STRN: variants seen among roughly 807,000 people sequenced by gnomAD.
The protein encoded by STRN is protein phosphatase 2 regulatory subunit B'''alpha.
Under a neutral mutation model 96.3 loss-of-function variants are expected in STRN, and 53 were observed. That is an observed-to-expected ratio of 0.55 (90% CI 0.44 to 0.69). The LOEUF (loss-of-function observed/expected upper bound fraction) is 0.69. Ranked by LOEUF, STRN falls within the 30% of genes least tolerant of loss-of-function variation. The probability of loss-of-function intolerance (pLI) is 0.00; values close to 1 mark genes in which losing one functional copy is unlikely to be tolerated. For synonymous variants in STRN, 428 were observed against 355.9 expected (o/e 1.20, Z -2.28); for missense variants, 987 against 963.9 (o/e 1.02, Z -0.32).
rs1251658365 is a variant in STRN at position 36,874,224 on chromosome 2, A to G, written c.1323+3667T>C. ...GCTTGCAGTCAGCTAAGATCGCGCC[A>G]CTGCACTACAGCCTGGGCGACAAAG... is the stretch of plus-strand genomic sequence containing the variant. On this transcript the variant is annotated intron_variant, in intron 10 of 17. Coordinates refer to ENST00000263918, the MANE Select transcript of STRN (RefSeq NM_003162.4). Among the ~76,000 whole-genome samples, 4 of 151,808 alleles carry G rather than the reference A, an allele frequency of 2.6e-5. No individual in the cohort carries two copies. In the East Asian group the frequency reaches 7.7e-4, roughly 29 times the overall value.
chr2:36,949,837 C>CA (rs1478813661), intron 1 of STRN, among the ~76,000 whole-genome samples: 1 of 151,688 alleles, frequency 6.6e-6, no homozygotes, highest in Non-Finnish European at 1.5e-5. Flanking sequence ...ATTTTAACTG[C>CA]AAAAAAGTAT....
chr2:36,865,253 T>C (rs887326773), intron 12 of STRN, among the ~76,000 whole-genome samples: 1 of 152,226 alleles, frequency 6.6e-6, no homozygotes, highest in African/African-American at 2.4e-5. Context: ...GTTTTCTAGT[T>C]TGTGTGCACA....
rs1668174418 is a variant in STRN, at chr2:36,849,778, T to A, written c.2109A>T (p.Val703=). The change falls in exon 17 of 18, where the codon GTA becomes GTT. Residue 703 remains valine, a synonymous_variant. Coordinates refer to ENST00000263918, the MANE Select transcript of STRN (RefSeq NM_003162.4). ...AACTTGTAACAGCTTCTAGGTGGGC[T>A]ACCATCGAGTGGATCAGTTTGCCTT... The part of the protein sequence containing the change: ...NNTGKLIHSM[V]AHLEAVTSLA... The A allele has an allele frequency of 1.2e-6, 2 of 1,614,192 alleles. No homozygotes were observed. Among genetic ancestry groups the A allele is most frequent in the Non-Finnish European group, 1.7e-6 (2 of 1,180,010 alleles).
intron 1 of STRN, among the ~76,000 whole-genome samples, chr2:36,964,278 T>G (rs765537972): frequency 4.3e-4 from 65 of 151,498 alleles, no homozygotes; most frequent in African/African-American, 1.1e-3. Context: ...TTTTGTTTTT[T>G]TTTTTTTAAC....
chr2:36,921,904 G>C (rs1414583598), intron 2 of STRN, among the ~76,000 whole-genome samples: 1 of 151,842 alleles, frequency 6.6e-6, no homozygotes, highest in African/African-American at 2.4e-5. Context: ...TTCCAGATTG[G>C]ATCCTGGACC....
chr2:36,869,542 G>GAA lies in STRN; in HGVS notation c.1499+10_1499+11dup. The GAA allele has an allele frequency of 6.6e-7, 1 of 1,507,688 alleles. No individual in the cohort carries two copies. The highest frequency in any genetic ancestry group is 8.9e-7 in the Non-Finnish European group (1 of 1,122,788). The allele number at this position is 1,507,688 out of a possible 1,614,324, so 93.4% of individuals were successfully genotyped here. ...AAAATATTCAAATAATGTTAAAGTA[G>GAA]AATATTCTCACTTTTTGGCTGGGGC... On this transcript the variant is annotated intron_variant, in intron 11 of 17. Transcript: ENST00000263918.
chr2:36,958,111 G>T (rs1275815317), intron 1 of STRN, among the ~76,000 whole-genome samples: 1 of 151,776 alleles, frequency 6.6e-6, no homozygotes, highest in South Asian at 2.1e-4. Context: ...GTAGAGACGG[G>T]GTTTCACCAT....
At chr2:36,933,549 T>G (rs1237338770) in intron 1 of STRN, among the ~76,000 whole-genome samples, 1 of 152,206 alleles carries the variant, frequency 6.6e-6, no homozygotes, top group Non-Finnish European at 1.5e-5. Context: ...AGAAGATACT[T>G]TGTTAAGGCA....
At position 36,899,567 on chromosome 2, in the gene STRN, C is replaced by T; in HGVS notation, c.751G>A (p.Asp251Asn). ...CTTTTCTCTCTTCCATCAACATCATCATCTTCATCTTCATCACTGAAATCT... is the reference window on the plus strand; with the variant it reads ...CTTTTCTCTCTTCCATCAACATCATTATCTTCATCTTCATCACTGAAATCT... Reference protein sequence around the residue: ...AADFSDEDEDDDVDGREKSVI... With the variant: ...AADFSDEDEDNDVDGREKSVI... Residue 251 changes from aspartate to asparagine, a missense_variant, in exon 6 of 18, where the codon GAT (aspartate) becomes AAT (asparagine). Asp to Asn is a conservative substitution (Grantham distance 23, BLOSUM62 1). Coordinates refer to ENST00000263918, the MANE Select transcript of STRN (RefSeq NM_003162.4). The T allele has an allele frequency of 6.2e-7, 1 of 1,613,556 alleles. No homozygotes were observed. Among genetic ancestry groups the T allele is most frequent in the South Asian group, 1.1e-5 (1 of 90,972 alleles).
At chr2:36,950,213 GTTTTTTTTTTTT>G (rs745506504) in intron 1 of STRN, among the ~76,000 whole-genome samples, 3 of 109,032 alleles carry the variant, frequency 2.8e-5, no homozygotes, top group Admixed American at 1.0e-4. Context: ...GTTTGGTTTT[GTTTTTTTTTTTT>G]TTTTTTTTGA....
intron 1 of STRN, among the ~76,000 whole-genome samples, chr2:36,955,588 C>A (rs1234678035): frequency 1.3e-5 from 2 of 152,202 alleles, no homozygotes; most frequent in South Asian, 4.1e-4. Context: ...TTCTCCCCTT[C>A]TAACCCCTTC....
At chr2:36,934,162 C>T (rs561721764) in intron 1 of STRN, among the ~76,000 whole-genome samples, 21 of 151,996 alleles carry the variant, frequency 1.4e-4, no homozygotes, top group Non-Finnish European at 2.8e-4. Flanking sequence ...TCTCTGCCCC[C>T]ACAAAGAAAG....
chr2:36,865,410 C>T (rs955529099), intron 12 of STRN, among the ~76,000 whole-genome samples: 16 of 151,832 alleles, frequency 1.1e-4, no homozygotes, highest in African/African-American at 3.4e-4. Flanking sequence ...CTTATTCTTT[C>T]GAAGAACCAA....
At chr2:36,931,296 C>T (rs1404530306) in intron 1 of STRN, among the ~76,000 whole-genome samples, 1 of 152,086 alleles carries the variant, frequency 6.6e-6, no homozygotes, top group Non-Finnish European at 1.5e-5. Flanking sequence ...CAATATATTT[C>T]AGTTCAATCA....
chr2:36,917,053 A>T (rs200069658), intron 2 of STRN, among the ~76,000 whole-genome samples: 3,669 of 125,780 alleles, frequency 0.029, 102 homozygotes, highest in East Asian at 0.13. Flanking sequence ...ATAAAAAAAT[A>T]AAAAATAAAA....
chr2:36,955,199 C>T (rs59854977), intron 1 of STRN, among the ~76,000 whole-genome samples: 4,550 of 152,176 alleles, frequency 0.03, 105 homozygotes, highest in East Asian at 0.13. Flanking sequence ...AGAGCAATGC[C>T]CTGGCCTGGG....
intron 6 of STRN, among the ~76,000 whole-genome samples, chr2:36,897,663 T>A (rs1427900439): frequency 6.6e-6 from 1 of 151,906 alleles, no homozygotes; most frequent in Non-Finnish European, 1.5e-5. Context: ...GGTCTTGATC[T>A]CCTGACCTAG....
chr2:36,862,139 TACC>T (rs1341562913), intron 12 of STRN, among the ~76,000 whole-genome samples: 1 of 152,224 alleles, frequency 6.6e-6, no homozygotes, highest in Non-Finnish European at 1.5e-5. Flanking sequence ...GGTGTCTATG[TACC>T]ACATTTTCTT....
chr2:36,958,536 A>C (rs1285956690), intron 1 of STRN, among the ~76,000 whole-genome samples: 1 of 152,220 alleles, frequency 6.6e-6, no homozygotes, highest in East Asian at 1.9e-4. Context: ...TGGTTTTAAC[A>C]AATCAGACTC....
Sources: gnomAD v4.1 joint callset for allele counts (sites outside exome capture counted in the v4.1 genomes callset) on GRCh38, gnomAD v4.1.1 for gene constraint, MANE v1.5 for transcripts, NCBI Gene and HGNC (gene_info 2026-07-23, HGNC 2026-07-21) for gene names.